Variants in PCNT observed in about 807,000 individuals in gnomAD.
PCNT encodes the protein kendrin.
PCNT carries 319 observed loss-of-function variants against 380.4 expected under a neutral mutation model. That is an observed-to-expected ratio of 0.84 (90% CI 0.77 to 0.92). PCNT has a LOEUF of 0.92. PCNT is among the 40% of genes least tolerant of loss of function. The pLI, the probability that PCNT is intolerant of heterozygous loss-of-function variation, is 0.00. For missense variants in PCNT, 4,400 were observed against 4,255.3 expected, an observed-to-expected ratio of 1.03 and a Z score of -0.95; for synonymous variants, 1,845 against 1,735.2, an observed-to-expected ratio of 1.06 and a Z score of -1.57.
At chr21:46,360,189 T>A (rs1364415266) in intron 13 of PCNT, among the ~76,000 whole-genome samples, 1 of 150,526 alleles carries the variant, frequency 6.6e-6, no homozygotes, top group African/African-American at 2.4e-5. Context: ...AAGTGCATTT[T>A]ATGTGGACAG....
At chr21:46,390,615 G>A in intron 19 of PCNT, 55 bp from the exon 20 acceptor site, 5 of 1,589,694 alleles carry the variant, frequency 3.1e-6, no homozygotes, top group African/African-American at 2.7e-5. Context: ...TGGTCTTAAT[G>A]TAGGCTTCAG....
Position 46,354,079 on chromosome 21 carries a change from G to T in PCNT, c.1761+11G>T. On this transcript the variant is annotated intron_variant, in intron 11 of 46. Coordinates refer to ENST00000359568, the MANE Select transcript of PCNT (RefSeq NM_006031.6). ...CCTGAGCGACATAAGGTAATTGGCC[G>T]CGCGCTGAGAAGTGGGGGAGTCCTG... 6.2e-7 allele frequency: 1 copy of T among 1,612,132 alleles called. No homozygotes were observed. Among genetic ancestry groups the T allele is most frequent in the Non-Finnish European group, 8.5e-7 (1 of 1,178,260 alleles).
intron 15 of PCNT, among the ~76,000 whole-genome samples, chr21:46,367,782 G>T (rs556767553): frequency 2.6e-5 from 4 of 152,302 alleles, no homozygotes; most frequent in Admixed American, 6.5e-5. Flanking sequence ...TTTCCAGGCT[G>T]CTGTGGGAAG....
At chr21:46,395,177 A>G (rs528450202) in intron 21 of PCNT, among the ~76,000 whole-genome samples, 3 of 152,274 alleles carry the variant, frequency 2.0e-5, no homozygotes, top group Non-Finnish European at 4.4e-5. Flanking sequence ...TGTTACTTGC[A>G]TTGGTCATGA....
intron 30 of PCNT, among the ~76,000 whole-genome samples, chr21:46,417,062 C>T (rs997026130): frequency 1.3e-5 from 2 of 152,152 alleles, no homozygotes; most frequent in Non-Finnish European, 2.9e-5. Context: ...CAGACATACC[C>T]TGGGCATGCT....
chr21:46,428,464 C>T lies in PCNT; in HGVS notation c.7564C>T (p.Gln2522Ter), dbSNP rs2087603141. ...PDRSSLLSEI[Q>*]ALRAQLRMTH... is the part of the protein sequence containing the mutation. ...CCGGAGCAGCCTGCTGTCCGAGATC[C>T]AGGCGCTGCGTGCCCAGCTGCGCAT... Residue 2522 changes from glutamine (Q) to a stop codon, truncating the protein, a stop_gained, in exon 35 of 47, where the codon CAG becomes TAG. Coordinates refer to ENST00000359568, the MANE Select transcript of PCNT (RefSeq NM_006031.6). LOFTEE classifies it high-confidence loss of function. 6.2e-7 allele frequency: 1 copy of T among 1,612,354 alleles called. No homozygotes were observed. Among genetic ancestry groups the T allele is most frequent in the African/African-American group, 1.3e-5 (1 of 74,956 alleles).
In PCNT at chr21:46,389,344, G is replaced by C; in HGVS notation, c.3753G>C (p.Glu1251Asp). 6.2e-7 allele frequency: 1 copy of C among 1,614,270 alleles called. No homozygotes were observed. The highest frequency in any genetic ancestry group is 8.5e-7 in the Non-Finnish European group (1 of 1,180,050). The change falls in exon 19 of 47, where the codon GAG becomes GAC. Residue 1251 changes from glutamate to aspartate, a missense_variant. Coordinates refer to ENST00000359568, the MANE Select transcript of PCNT (RefSeq NM_006031.6). ...SFLMSPESVR[E>D]CEQPIRRVFQ... ...TCATGAGCCCAGAAAGTGTGCGGGA[G>C]TGTGAGCAGCCCATCCGGAGGGTCT...
At chr21:46,351,081 A>T (rs2084249141) in intron 8 of PCNT, among the ~76,000 whole-genome samples, 1 of 152,192 alleles carries the variant, frequency 6.6e-6, no homozygotes, top group Non-Finnish European at 1.5e-5. Context: ...TCCATTCAGC[A>T]GTCTGTATGT....
chr21:46,401,468 A>T, intron 25 of PCNT, 83 bp from the exon 26 acceptor site: 1 of 1,107,246 alleles, frequency 9.0e-7, no homozygotes, highest in South Asian at 1.3e-5. Flanking sequence ...GCAGCTAAAG[A>T]TGGTCTGTGC....
chr21:46,391,553 CTGG>C (rs1246710544), intron 21 of PCNT, among the ~76,000 whole-genome samples, 177 bp downstream of exon 21: 7 of 152,356 alleles, frequency 4.6e-5, no homozygotes. Context: ...GAGGCATCCA[CTGG>C]CTTTGCTGCC....
intron 27 of PCNT, among the ~76,000 whole-genome samples, chr21:46,409,841 G>A (rs1285280837): frequency 6.6e-6 from 1 of 152,126 alleles, no homozygotes; most frequent in Non-Finnish European, 1.5e-5. Flanking sequence ...TGATCTGCCT[G>A]CCTCAGCCTC....
chr21:46,337,289 T>C (rs569712506), intron 3 of PCNT, among the ~76,000 whole-genome samples: 14 of 152,174 alleles, frequency 9.2e-5, no homozygotes, highest in Non-Finnish European at 1.8e-4. Flanking sequence ...ATTTATTTAC[T>C]TATTTGTTCA....
At chr21:46,420,879 G>A (rs1037156133) in intron 31 of PCNT, 3 of 152,158 alleles carry the variant, frequency 2.0e-5, no homozygotes, top group Non-Finnish European at 2.9e-5. Context: ...AGATTTCTTC[G>A]TTGTCATCTT....
At position 46,443,936 on chromosome 21, in the gene PCNT, A is replaced by C; in HGVS notation, c.9827A>C (p.His3276Pro). Residue 3276 changes from histidine to proline, a missense_variant, in exon 45 of 47, where the codon CAC (histidine) becomes CCC (proline). By Grantham distance (77) the His-to-Pro change is moderately conservative. Transcript: ENST00000359568. ...AGACTGGCAGCAGCAGCCTCCCCAC[A>C]CAGTGGGGGAAGGTCAGTGTGATGC... is the stretch of plus-strand genomic sequence containing the variant. Reference protein sequence around the residue: ...GRRLAAAASPHSGGRATPSPN... With the variant: ...GRRLAAAASPPSGGRATPSPN... The C allele has an allele frequency of 6.2e-7, 1 of 1,612,004 alleles. No homozygotes were observed. The highest frequency in any genetic ancestry group is 8.5e-7 in the Non-Finnish European group (1 of 1,179,746).
intron 33 of PCNT, 98 bp downstream of exon 33, chr21:46,426,069 C>CCTTTTTT (rs2087484190): frequency 4.4e-6 from 1 of 225,194 alleles, no homozygotes. Context: ...GGATTTCTTT[C>CCTTTTTT]TTTTTTTTTT....
chr21:46,412,147 C>A, intron 28 of PCNT, 80 bp downstream of exon 28: 2 of 1,487,796 alleles, frequency 1.3e-6, no homozygotes, highest in African/African-American at 1.4e-5. Context: ...CTTCTCTCTG[C>A]GCTGGGCACT....
At position 46,355,527 on chromosome 21, in the gene PCNT, T is replaced by C; in HGVS notation, c.1837T>C (p.Cys613Arg). The C allele has an allele frequency of 6.2e-7, 1 of 1,613,836 alleles. No homozygotes were observed. The highest frequency in any genetic ancestry group is 8.5e-7 in the Non-Finnish European group (1 of 1,179,770). The change falls in exon 12 of 47, where the codon TGC (cysteine) becomes CGC (arginine). Residue 613 changes from cysteine (C) to arginine (R), a missense_variant. Cys to Arg is a radical substitution (Grantham distance 180). Coordinates refer to ENST00000359568, the MANE Select transcript of PCNT (RefSeq NM_006031.6). ...GCTGGAAGCGCTGGAGTCTCCCCTC[T>C]GCATCCAGCACGAGGGGCATGTCTC... ...HQLEALESPL[C>R]IQHEGHVSDR...
intron 35 of PCNT, 65 bp from the exon 36 acceptor site, chr21:46,429,945 C>G: frequency 7.5e-7 from 1 of 1,331,914 alleles, no homozygotes; most frequent in Non-Finnish European, 1.1e-6. Flanking sequence ...TGTCTCTAAC[C>G]TGGTGTCACT....
intron 41 of PCNT, 100 bp from the exon 42 acceptor site, chr21:46,439,983 C>G: frequency 2.0e-6 from 3 of 1,475,480 alleles, no homozygotes; most frequent in Non-Finnish European, 2.8e-6. Context: ...CCTGGCCTCC[C>G]CGCACATGGC....
Sources: allele counts gnomAD v4.1 joint callset (sites outside exome capture counted in the v4.1 genomes callset), GRCh38; gene constraint gnomAD v4.1.1; transcripts MANE v1.5; gene names NCBI Gene and HGNC (gene_info 2026-07-23, HGNC 2026-07-21).